Variants in KIF6 observed in about 807,000 individuals in gnomAD.
KIF6 encodes kinesin-like protein KIF6.
KIF6 carries 106 observed loss-of-function variants against 112.7 expected under a neutral mutation model. That is an observed-to-expected ratio of 0.94 (90% confidence interval 0.80 to 1.11). The LOEUF (loss-of-function observed/expected upper bound fraction) is 1.11. KIF6 is among the 50% of genes least tolerant of loss of function. KIF6 has a pLI of 0.00. For synonymous variants in KIF6, 339 were observed against 339.9 expected (o/e 1.00, Z 0.03); for missense variants, 929 against 964.0 (o/e 0.96, Z 0.48).
chr6:39,490,635 A>G (rs929765035), intron 13 of KIF6, among the ~76,000 whole-genome samples: 10 of 152,224 alleles, frequency 6.6e-5, no homozygotes, highest in Admixed American at 3.9e-4. Context: ...AGCTTGGGAA[A>G]GGGTATGCTG....
At chr6:39,497,371 T>C (rs1269342692) in intron 13 of KIF6, among the ~76,000 whole-genome samples, 1 of 152,232 alleles carries the variant, frequency 6.6e-6, no homozygotes, top group Non-Finnish European at 1.5e-5. Context: ...AAGTCCCTTG[T>C]CATTAGCCAA....
At chr6:39,664,580 T>C (rs1258286249) in intron 3 of KIF6, among the ~76,000 whole-genome samples, 1 of 152,176 alleles carries the variant, frequency 6.6e-6, no homozygotes, top group Non-Finnish European at 1.5e-5. Flanking sequence ...GAACATGAAC[T>C]GGGTGGGAGC....
At chr6:39,363,745 T>C (rs1765350039) in intron 16 of KIF6, among the ~76,000 whole-genome samples, 2 of 152,228 alleles carry the variant, frequency 1.3e-5, no homozygotes, top group South Asian at 2.1e-4. Context: ...AGTGTTATTA[T>C]GCCCATTTTA....
intron 15 of KIF6, among the ~76,000 whole-genome samples, chr6:39,387,823 C>T (rs1461151276): frequency 6.6e-6 from 1 of 152,196 alleles, no homozygotes; most frequent in East Asian, 1.9e-4. Flanking sequence ...TGGGATAGCA[C>T]ATGCATGCTC....
chr6:39,406,616 T>C lies in KIF6; in HGVS notation c.1810+13332A>G, dbSNP rs186038327. Among the ~76,000 whole-genome samples, 268 of 152,360 alleles carry C rather than the reference T, an allele frequency of 1.8e-3. 1 individual carries two copies. The highest frequency in any genetic ancestry group is 2.8e-3 in the Non-Finnish European group (190 of 68,028). ...TGAATGCTATAAATTTCCCTCTAAA[T>C]ACTGTTTCAACTGCAGCACACAAAT... On this transcript the variant is annotated intron_variant, in intron 15 of 22. Transcript: ENST00000287152.
chr6:39,488,263 C>G (rs1775253632), intron 13 of KIF6, among the ~76,000 whole-genome samples: 1 of 152,194 alleles, frequency 6.6e-6, no homozygotes, highest in Non-Finnish European at 1.5e-5. Flanking sequence ...ATTCAGTTTA[C>G]TTGGCAGGCA....
At chr6:39,551,041 C>T (rs998031333) in intron 10 of KIF6, among the ~76,000 whole-genome samples, 1 of 152,144 alleles carries the variant, frequency 6.6e-6, no homozygotes, top group South Asian at 2.1e-4. Flanking sequence ...GTGAATAGTG[C>T]TGCAATAAAT....
intron 3 of KIF6, among the ~76,000 whole-genome samples, chr6:39,669,726 C>CTG (rs1234245873): frequency 5.3e-5 from 8 of 152,200 alleles, no homozygotes; most frequent in Non-Finnish European, 8.8e-5. Context: ...TTATGCGGGG[C>CTG]AGCACGAGGT....
chr6:39,343,347 C>G lies in KIF6; in HGVS notation c.2428+362G>C. On this transcript the variant is annotated intron_variant, in intron 22 of 22. Transcript: ENST00000287152. This position sits in a 1 kb window ranked among gnomAD's most constrained non-coding sequence, Gnocchi z 4.1. Reference sequence around the variant, plus strand: ...TTTAAGCCAGGGGTTCAACGAGTTACCAAAACATCACTCAGCCCCTTCCTG... The same window carrying G: ...TTTAAGCCAGGGGTTCAACGAGTTAGCAAAACATCACTCAGCCCCTTCCTG... The G allele has an allele frequency of 7.7e-7, 1 of 1,304,298 alleles. No homozygotes were observed. Among genetic ancestry groups the G allele is most frequent in the South Asian group, 1.2e-5 (1 of 81,146 alleles). 80.8% of individuals were successfully genotyped at this position (1,304,298 alleles called of 1,614,324 possible). A position where few individuals can be genotyped will look rare whatever the true frequency, so the allele number is the denominator to read the frequency against.
At chr6:39,439,022 T>G (rs928653011) in intron 13 of KIF6, among the ~76,000 whole-genome samples, 1 of 152,242 alleles carries the variant, frequency 6.6e-6, no homozygotes, top group Non-Finnish European at 1.5e-5. Context: ...CCATCTAGCC[T>G]AGGTGTGTAG....
intron 13 of KIF6, among the ~76,000 whole-genome samples, chr6:39,438,179 G>A (rs1380457665): frequency 6.6e-6 from 1 of 152,092 alleles, no homozygotes; most frequent in Admixed American, 6.6e-5. Flanking sequence ...TCACCATGTT[G>A]ACCAGGCTGG....
Position 39,405,606 on chromosome 6 carries a change from A to T in KIF6, c.1810+14342T>A, listed in dbSNP as rs546006857. On this transcript the variant is annotated intron_variant, in intron 15 of 22. Coordinates refer to ENST00000287152, the MANE Select transcript of KIF6 (RefSeq NM_145027.6). ...GTCTTTTTATATATTGTTGTATTCA[A>T]TATGCTAGTATTTGTGTATATTTAT... Among the ~76,000 whole-genome samples the T allele has an allele frequency of 3.3e-5, 5 of 152,286 alleles. No homozygotes were observed. In the South Asian group the frequency reaches 8.3e-4, roughly 25 times the overall value.
intron 15 of KIF6, among the ~76,000 whole-genome samples, chr6:39,419,353 C>CAAAAAAAAAA: frequency 1.4e-5 from 1 of 73,752 alleles, no homozygotes; most frequent in Non-Finnish European, 2.4e-5. Context: ...GACTCTGTCT[C>CAAAAAAAAAA]AAAAAAAAAA....
intron 3 of KIF6, among the ~76,000 whole-genome samples, chr6:39,694,249 G>A (rs959618836): frequency 3.9e-5 from 6 of 151,962 alleles, no homozygotes; most frequent in Non-Finnish European, 5.9e-5. Context: ...TTCCCCTTAA[G>A]AACTGCAACA....
chr6:39,495,100 G>A (rs1775705468), intron 13 of KIF6, among the ~76,000 whole-genome samples: 1 of 152,182 alleles, frequency 6.6e-6, no homozygotes, highest in African/African-American at 2.4e-5. Flanking sequence ...TCCTGCAGAT[G>A]AGATAGTTGC....
chr6:39,432,669 G>T (rs537085659), intron 13 of KIF6, among the ~76,000 whole-genome samples: 1 of 152,288 alleles, frequency 6.6e-6, no homozygotes, highest in East Asian at 1.9e-4. Context: ...TGTGTGAGAC[G>T]CAGAAAGATG....
intron 14 of KIF6, among the ~76,000 whole-genome samples, chr6:39,420,299 C>T (rs1770256916): frequency 6.6e-6 from 1 of 150,676 alleles, no homozygotes; most frequent in South Asian, 2.1e-4. Context: ...TAAAGCCTGG[C>T]TGTAAGGTTT....
intron 6 of KIF6, among the ~76,000 whole-genome samples, chr6:39,602,219 A>G (rs1782620060): frequency 1.3e-5 from 2 of 151,990 alleles, no homozygotes; most frequent in Admixed American, 6.6e-5. Flanking sequence ...TATCTTCCAT[A>G]TATGTTTTCT....
rs561990164 is a variant in KIF6, at chr6:39,585,662, CA to C, written c.990+598del. ...CATAGCAAGAGCCATAATCCACACA[CA>C]TGAAAGATCACAAAATAAAGATTCA... is the stretch of plus-strand genomic sequence containing the variant. On this transcript the variant is annotated intron_variant, in intron 8 of 22. Transcript: ENST00000287152. Among the ~76,000 whole-genome samples, 68 of 152,306 alleles carry C rather than the reference CA, an allele frequency of 4.5e-4. No homozygotes were observed. In the South Asian group the frequency reaches 0.013, roughly 29 times the overall value.
Sources: gnomAD v4.1 joint callset for allele counts (sites outside exome capture counted in the v4.1 genomes callset) on GRCh38, gnomAD v4.1.1 for gene constraint, Gnocchi (gnomAD v3.1) non-coding constraint, MANE v1.5 for transcripts, NCBI Gene and HGNC (gene_info 2026-07-23, HGNC 2026-07-21) for gene names.